The following SHC2 variants were observed in gnomAD, a reference collection of about 807,000 sequenced individuals.
The protein encoded by SHC2 is SHC-transforming protein 2.
SHC2 carries 62 observed loss-of-function variants against 60.6 expected under a neutral mutation model. The ratio of observed to expected loss-of-function variants is 1.02; its 90% CI spans 0.83 to 1.26. The LOEUF is 1.26. Ranked by LOEUF, SHC2 falls within the 50% of genes most tolerant of loss-of-function variation. The probability of loss-of-function intolerance (pLI) is 0.00; values close to 1 mark genes in which losing one functional copy is unlikely to be tolerated. For missense variants in SHC2, 873 were observed against 822.2 expected (o/e 1.06, Z -0.76); for synonymous variants, 375 against 372.4 (o/e 1.01, Z -0.08).
At chr19:437,331 C>CGTGCTTGTTTGCATGCTCATCTGT (rs1255997331) in intron 4 of SHC2, among the ~76,000 whole-genome samples, 1 of 151,852 alleles carries the variant, frequency 6.6e-6, no homozygotes, top group African/African-American at 2.4e-5. Flanking sequence ...TGCTCATCTG[C>CGTGCTTGTTTGCATGCTCATCTGT]GTGCTTGTTT....
intron 1 of SHC2, among the ~76,000 whole-genome samples, chr19:444,889 T>C (rs1448351371): frequency 1.3e-5 from 2 of 152,214 alleles, no homozygotes; most frequent in Non-Finnish European, 2.9e-5. Context: ...CCACATGCCA[T>C]GGGCAGCAAT....
intron 4 of SHC2, among the ~76,000 whole-genome samples, chr19:437,135 T>C (rs1974742439): frequency 1.3e-5 from 2 of 152,212 alleles, no homozygotes; most frequent in South Asian, 2.1e-4. Context: ...TGCATGCTTA[T>C]CTGCATGCTC....
At chr19:434,330 CTG>C (rs1248525745) in intron 8 of SHC2, among the ~76,000 whole-genome samples, 25 of 7,376 alleles carry the variant, frequency 3.4e-3, no homozygotes, top group African/African-American at 0.015. Flanking sequence ...GATCATGAGT[CTG>C]TGAGTGAGAT....
Position 433,323 on chromosome 19 carries a change from G to A in SHC2, c.1110+1386C>T, listed in dbSNP as rs1429997935. On this transcript the variant is annotated intron_variant, in intron 8 of 12. Coordinates refer to ENST00000264554, the MANE Select transcript of SHC2 (RefSeq NM_012435.3). ...GAGATCGTGAGTGAGAGATAGAGGAGGCGGGGCAGATAGATGGCGCTTCAT... is the reference window on the plus strand; with the variant it reads ...GAGATCGTGAGTGAGAGATAGAGGAAGCGGGGCAGATAGATGGCGCTTCAT... Among the ~76,000 whole-genome samples, 3 of 10,096 alleles carry A rather than the reference G, an allele frequency of 3.0e-4. No homozygotes were observed. The African/African-American group carries it at 3.9e-3, about 13-fold the overall frequency. The allele number at this position is 10,096 out of a possible 152,430, so 6.6% of individuals were successfully genotyped here. A position where few individuals can be genotyped will look rare whatever the true frequency, so the allele number is the denominator to read the frequency against.
In SHC2 at chr19:439,012, G is replaced by A. The variant is rs1264939752; in HGVS notation, c.558C>T (p.Leu186=). The A allele has an allele frequency of 6.3e-7, 1 of 1,595,524 alleles. No individual in the cohort carries two copies. Among genetic ancestry groups the A allele is most frequent in the Non-Finnish European group, 8.5e-7 (1 of 1,171,652 alleles). ...TQVTREAINR[L]HEAVPGVRGS... ...CCCGGACGCCAGGCACGGCCTCATG[G>A]AGCCGGTTGATGGCTTCCCTGGGGT... Residue 186 remains leucine (L), a synonymous_variant, in exon 3 of 13, where the codon CTC becomes CTT. Coordinates refer to ENST00000264554, the MANE Select transcript of SHC2 (RefSeq NM_012435.3).
intron 2 of SHC2, chr19:439,417 C>T: frequency 3.6e-6 from 1 of 278,064 alleles, no homozygotes; most frequent in African/African-American, 2.2e-5. Context: ...GGGGTTGGAG[C>T]AGCGAGCAGG....
At chr19:449,626 C>T (rs1026489991) in intron 1 of SHC2, among the ~76,000 whole-genome samples, 8 of 151,476 alleles carry the variant, frequency 5.3e-5, no homozygotes, top group Non-Finnish European at 7.4e-5. Context: ...TCAATAATAA[C>T]GACAGTAATA....
intron 1 of SHC2, among the ~76,000 whole-genome samples, chr19:456,659 C>G (rs1352221079): frequency 1.4e-5 from 2 of 148,004 alleles, no homozygotes. Context: ...CCGTGACGCA[C>G]ACGCACCAGG....
chr19:445,897 T>TA lies in SHC2; in HGVS notation c.469-4966dup, dbSNP rs1179769445. 6.6e-6 allele frequency among the ~76,000 whole-genome samples: 1 copy of TA among 150,408 alleles called. No individual in the cohort carries two copies. The highest frequency in any genetic ancestry group is 2.5e-5 in the African/African-American group (1 of 40,788). On this transcript the variant is annotated intron_variant, in intron 1 of 12. Coordinates refer to ENST00000264554, the MANE Select transcript of SHC2 (RefSeq NM_012435.3). The surrounding 1 kb of genome is among the most constrained non-coding windows in gnomAD (Gnocchi z 4.4). ...GAAAATACAAAAATAAAAATAAAAA[T>TA]AAAAAAATTAGCTGGGCGTGGTGGT...
Position 438,622 on chromosome 19 carries a change from C to T in SHC2, c.720+96G>A. The T allele has an allele frequency of 7.2e-7, 1 of 1,393,754 alleles. No individual in the cohort carries two copies. The highest frequency in any genetic ancestry group is 2.5e-5 in the East Asian group (1 of 39,860). 86.3% of individuals were successfully genotyped at this position (1,393,754 alleles called of 1,614,324 possible). On this transcript the variant is annotated intron_variant, in intron 4 of 12. Coordinates refer to ENST00000264554, the MANE Select transcript of SHC2 (RefSeq NM_012435.3). The surrounding 1 kb of genome is among the most constrained non-coding windows in gnomAD (Gnocchi z 5.0). ...GCTCGTCTTTCTGGATAAACGCCAC[C>T]TGCTGCCCGCCCCCAGCACCCCACC...
At chr19:449,814 T>C (rs914853540) in intron 1 of SHC2, among the ~76,000 whole-genome samples, 6 of 152,320 alleles carry the variant, frequency 3.9e-5, no homozygotes, top group African/African-American at 1.4e-4. Flanking sequence ...GGCAAGATGT[T>C]AATAATCGGC....
chr19:429,556 A>G (rs12974521), intron 9 of SHC2, among the ~76,000 whole-genome samples: 2,053 of 135,712 alleles, frequency 0.015, 24 homozygotes, highest in East Asian at 0.082. Flanking sequence ...CAACGTGCAC[A>G]GAAACCTAAC....
chr19:458,014 T>A (rs1975400007), intron 1 of SHC2, among the ~76,000 whole-genome samples: 1 of 123,124 alleles, frequency 8.1e-6, no homozygotes, highest in African/African-American at 2.9e-5. Context: ...CAGAAGAGGG[T>A]CTTGGGGAGG....
rs1429853796 is a variant in SHC2, at chr19:418,989, T to C, written c.1688A>G (p.Gln563Arg). ...HLIDHHLQNG[Q>R]PIVAAESELH... ...CTCACTCTCGGCGGCCACGATGGGC[T>C]GCCCGTTCTGCAGGTGGTGGTCGAT... The change falls in exon 12 of 13, where the codon CAG (glutamine) becomes CGG (arginine). Residue 563 changes from glutamine (Q) to arginine (R), a missense_variant. Transcript: ENST00000264554. 3 of 1,586,010 alleles carry C rather than the reference T, an allele frequency of 1.9e-6. No individual in the cohort carries two copies. In the Admixed American group the frequency reaches 5.3e-5, roughly 28 times the overall value.
chr19:436,726 C>T (rs1440817062), intron 4 of SHC2, 43 bp from the exon 5 acceptor site: 9 of 1,578,240 alleles, frequency 5.7e-6, no homozygotes, highest in Middle Eastern at 3.3e-4. Context: ...GGCCCCGCTT[C>T]GAGGGCAGGG....
rs72486329 is a variant in SHC2, at chr19:459,110, C to T, written c.468+1419G>A. Among the ~76,000 whole-genome samples, 560 of 150,268 alleles carry T rather than the reference C, an allele frequency of 3.7e-3. 14 individuals are homozygous for T. In the East Asian group the frequency reaches 0.064, roughly 17 times the overall value. ...TTGACTAGGTTACATCTGCAAGGAC[C>T]CTGTTCCCAATATAAGGTAATAAGG... On this transcript the variant is annotated intron_variant, in intron 1 of 12. Transcript: ENST00000264554.
At chr19:456,963 T>C (rs117597177) in intron 1 of SHC2, among the ~76,000 whole-genome samples, 983 of 111,378 alleles carry the variant, frequency 8.8e-3, no homozygotes, top group Middle Eastern at 0.029. Flanking sequence ...ACTCTGTCTG[T>C]AAACTCCACA....
At chr19:428,844 G>A (rs544010481) in intron 9 of SHC2, among the ~76,000 whole-genome samples, 27 of 151,802 alleles carry the variant, frequency 1.8e-4, no homozygotes, top group Non-Finnish European at 3.8e-4. Context: ...TGTGGATGAC[G>A]CAGTACCTAT....
In SHC2 at chr19:430,732, GAGA is replaced by G. The variant is rs1974563626; in HGVS notation, c.1123_1125del (p.Ser375del). On this transcript the variant is annotated inframe_deletion, in exon 9 of 13. Transcript: ENST00000264554. ...CATGGCAGGCTGCAGGCATCTCTTA[GAGA>G]AGGAGATGGGCCCTGGAAACAGAGC... The G allele has an allele frequency of 1.2e-6, 2 of 1,613,100 alleles. No homozygotes were observed. Among genetic ancestry groups the G allele is most frequent in the Non-Finnish European group, 1.7e-6 (2 of 1,179,822 alleles).
Sources: allele counts gnomAD v4.1 joint callset (sites outside exome capture counted in the v4.1 genomes callset), GRCh38; gene constraint gnomAD v4.1.1; non-coding constraint Gnocchi (gnomAD v3.1); transcripts MANE v1.5; gene names NCBI Gene and HGNC (gene_info 2026-07-23, HGNC 2026-07-21).